RAP1A: variants seen among roughly 807,000 people sequenced by gnomAD.
RAP1A encodes ras-related protein Rap-1A.
A neutral mutation model predicts 26.4 loss-of-function variants in RAP1A; 6 were observed. The observed-to-expected ratio is 0.23, with a 90% CI of 0.12 to 0.45. The LOEUF is 0.45. Among genes scored for constraint, RAP1A ranks in the 20% least tolerant of loss-of-function variants. The pLI is 0.99. For synonymous variants in RAP1A, 73 were observed against 79.4 expected (o/e 0.92, Z 0.43); for missense variants, 121 against 217.2 (o/e 0.56, Z 2.78).
intron 1 of RAP1A, among the ~76,000 whole-genome samples, chr1:111,658,475 T>TA (rs1193885846): frequency 3.9e-5 from 6 of 152,214 alleles, no homozygotes; most frequent in South Asian, 4.2e-4. Flanking sequence ...TGTTGTCTGT[T>TA]AAAAAAAATT....
chr1:111,661,932 T>G (rs960646974), intron 1 of RAP1A, among the ~76,000 whole-genome samples: 35 of 152,038 alleles, frequency 2.3e-4, no homozygotes, highest in Non-Finnish European at 4.1e-4. Flanking sequence ...AATAGTTATG[T>G]ATCTTTTTTT....
Position 111,677,266 on chromosome 1 carries a change from G to GATAGATACTTGGGTTGTCTGT in RAP1A, c.-27-14066_-27-14046dup, listed in dbSNP as rs1407051596. On this transcript the variant is annotated intron_variant, in intron 1 of 7. Transcript: ENST00000369709. The stretch of plus-strand genomic sequence containing the variant: ...ATCACAATTTATCTACTCACCTCTT[G>GATAGATACTTGGGTTGTCTGT]ATAGATACTTGGGTTGTCTGTAGAT... 3.3e-5 allele frequency among the ~76,000 whole-genome samples: 5 copies of GATAGATACTTGGGTTGTCTGT among 152,244 alleles called. No individual in the cohort carries two copies. The East Asian group carries it at 5.8e-4, about 18-fold the overall frequency.
intron 4 of RAP1A, among the ~76,000 whole-genome samples, chr1:111,701,568 A>G (rs1662024565): frequency 1.3e-5 from 2 of 152,198 alleles, no homozygotes; most frequent in African/African-American, 4.8e-5. Context: ...ATAGGGCTAC[A>G]ACTATGTCAG....
rs1662504226 is a variant in RAP1A, at chr1:111,715,266, C to CG, written c.*2869dup. 6.6e-6 allele frequency: 1 copy of CG among 150,570 alleles called. No homozygotes were observed. Among genetic ancestry groups the CG allele is most frequent in the South Asian group, 2.1e-4 (1 of 4,802 alleles). 9.3% of individuals were successfully genotyped at this position (150,570 alleles called of 1,614,324 possible). Reference sequence around the variant, plus strand: ...CTAATTTTTGTATTTTTAGTAGAGACGGGGTTTCATCATGTTGGCGAGGCT... The same window carrying CG: ...CTAATTTTTGTATTTTTAGTAGAGACGGGGGTTTCATCATGTTGGCGAGGCT... On this transcript the variant is annotated 3_prime_UTR_variant, in exon 8 of 8. Coordinates refer to ENST00000369709, the MANE Select transcript of RAP1A (RefSeq NM_002884.4).
intron 1 of RAP1A, among the ~76,000 whole-genome samples, chr1:111,559,057 G>C (rs1384191931): frequency 6.6e-6 from 1 of 152,012 alleles, no homozygotes; most frequent in African/African-American, 2.4e-5. Context: ...TATATATCCA[G>C]TTTTAAAAGA....
chr1:111,695,321 T>C lies in RAP1A; in HGVS notation c.58-20T>C. 1 of 1,531,354 alleles carries C rather than the reference T, an allele frequency of 6.5e-7. No individual in the cohort carries two copies. The highest frequency in any genetic ancestry group is 8.8e-7 in the Non-Finnish European group (1 of 1,137,918). The allele number at this position is 1,531,354 out of a possible 1,614,324, so 94.9% of individuals were successfully genotyped here. ...AGTTTTCCTTTAATTTTTTAATATT[T>C]CTCTTTTTTTTTCCCCCAGACAGTT... On this transcript the variant is annotated intron_variant, in intron 2 of 7. Coordinates refer to ENST00000369709, the MANE Select transcript of RAP1A (RefSeq NM_002884.4).
At chr1:111,653,770 T>C in intron 1 of RAP1A, among the ~76,000 whole-genome samples, 1 of 147,948 alleles carries the variant, frequency 6.8e-6, no homozygotes, top group South Asian at 2.1e-4. Context: ...AGAGATTAAG[T>C]AGTATAAAAG....
chr1:111,709,090 T>G, intron 6 of RAP1A, 59 bp from the exon 7 acceptor site: 1 of 1,554,372 alleles, frequency 6.4e-7, no homozygotes, highest in Non-Finnish European at 8.7e-7. Context: ...AGAATTGTTT[T>G]GTGGAACAAA....
At chr1:111,665,790 C>G (rs1050861972) in intron 1 of RAP1A, among the ~76,000 whole-genome samples, 1 of 152,080 alleles carries the variant, frequency 6.6e-6, no homozygotes, top group Non-Finnish European at 1.5e-5. Flanking sequence ...TGATATTCCC[C>G]CCTTTCTTCT....
At chr1:111,584,813 GA>G (rs1294131727) in intron 1 of RAP1A, among the ~76,000 whole-genome samples, 1 of 151,856 alleles carries the variant, frequency 6.6e-6, no homozygotes, top group Non-Finnish European at 1.5e-5. Context: ...GATAACTAAG[GA>G]AAAAAATAAA....
chr1:111,672,235 T>C (rs1660997478), intron 1 of RAP1A, among the ~76,000 whole-genome samples: 1 of 152,236 alleles, frequency 6.6e-6, no homozygotes, highest in South Asian at 2.1e-4. Flanking sequence ...TTTGTATGCT[T>C]TAATTTATAT....
At chr1:111,708,458 G>A (rs2101307589) in intron 6 of RAP1A, among the ~76,000 whole-genome samples, 1 of 152,298 alleles carries the variant, frequency 6.6e-6, no homozygotes, top group African/African-American at 2.4e-5. Flanking sequence ...TGTCCTGAAA[G>A]GCAAAGGCCA....
At chr1:111,550,221 T>G (rs1339196981) in intron 1 of RAP1A, among the ~76,000 whole-genome samples, 1 of 152,174 alleles carries the variant, frequency 6.6e-6, no homozygotes, top group Non-Finnish European at 1.5e-5. Context: ...CTCCCTATTT[T>G]TCTGGTCAGC....
At chr1:111,637,057 A>T (rs1245600035) in intron 1 of RAP1A, among the ~76,000 whole-genome samples, 1 of 151,902 alleles carries the variant, frequency 6.6e-6, no homozygotes, top group Non-Finnish European at 1.5e-5. Flanking sequence ...GCTGTATTTT[A>T]CTCCTGTGAT....
rs76789100 is a variant in RAP1A at position 111,643,508 on chromosome 1, A to G, written c.-28+23574A>G. 4.3e-4 allele frequency among the ~76,000 whole-genome samples: 65 copies of G among 152,320 alleles called. 2 individuals are homozygous for G. In the East Asian group the frequency reaches 0.011, roughly 26 times the overall value. ...TGAGCTTAAGCTGTTTATTAGCACTATTTGAAACAGTGAAACTTTGTGAAC... is the reference window on the plus strand; with the variant it reads ...TGAGCTTAAGCTGTTTATTAGCACTGTTTGAAACAGTGAAACTTTGTGAAC... On this transcript the variant is annotated intron_variant, in intron 1 of 7. Transcript: ENST00000369709.
chr1:111,700,804 T>C (rs1661998999), intron 4 of RAP1A, among the ~76,000 whole-genome samples: 1 of 151,866 alleles, frequency 6.6e-6, no homozygotes, highest in Admixed American at 6.6e-5. Flanking sequence ...AACCATGGAG[T>C]CGTCCTTGAC....
chr1:111,612,416 A>G (rs1658939910), intron 1 of RAP1A, among the ~76,000 whole-genome samples: 1 of 149,452 alleles, frequency 6.7e-6, no homozygotes, highest in Non-Finnish European at 1.5e-5. Context: ...CTTTATATAT[A>G]AAGTCTGTTG....
exon 1 of RAP1A, chr1:111,542,234 C>T (rs560384257): frequency 2.1e-5 from 13 of 607,042 alleles, no homozygotes; most frequent in Admixed American, 1.3e-4. Flanking sequence ...CGCGTACTGA[C>T]GGAAACACTG....
At chr1:111,564,060 G>T (rs1235676118) in intron 1 of RAP1A, 2 of 796,750 alleles carry the variant, frequency 2.5e-6, no homozygotes, top group African/African-American at 1.7e-5. Context: ...TGTTTTGGGG[G>T]GTAGAGAATT....
Sources: gnomAD v4.1 joint callset for allele counts (sites outside exome capture counted in the v4.1 genomes callset) on GRCh38, gnomAD v4.1.1 for gene constraint, MANE v1.5 for transcripts, NCBI Gene and HGNC (gene_info 2026-07-23, HGNC 2026-07-21) for gene names.